The following SUCLG2 variants were observed in gnomAD, a reference collection of about 807,000 sequenced individuals.
The protein encoded by SUCLG2 is succinate--CoA ligase [GDP-forming] subunit beta, mitochondrial.
In SUCLG2, 42 loss-of-function variants were observed where a neutral mutation model predicts 47.9. The observed-to-expected ratio is 0.88, with a 90% CI of 0.69 to 1.14. SUCLG2 has a LOEUF of 1.14. Ranked by LOEUF, SUCLG2 falls within the 50% of genes most tolerant of loss-of-function variation. The pLI is 0.00. For synonymous variants in SUCLG2, 195 were observed against 197.3 expected, an observed-to-expected ratio of 0.99 and a Z score of 0.10; for missense variants, 571 against 525.9, an observed-to-expected ratio of 1.09 and a Z score of -0.84.
intron 2 of SUCLG2, among the ~76,000 whole-genome samples, chr3:67,593,266 CATATAG>C (rs1708214796): frequency 7.4e-6 from 1 of 135,930 alleles, no homozygotes; most frequent in African/African-American, 3.1e-5. Context: ...TGGTCTAACA[CATATAG>C]CACATTCAAT....
intron 1 of SUCLG2, among the ~76,000 whole-genome samples, chr3:67,630,124 CTATT>C (rs1700901110): frequency 6.6e-6 from 1 of 151,880 alleles, no homozygotes; most frequent in Non-Finnish European, 1.5e-5. Flanking sequence ...ACTGTACACT[CTATT>C]TACGATAAAG....
intron 7 of SUCLG2, among the ~76,000 whole-genome samples, chr3:67,499,007 T>C (rs377044343): frequency 9.9e-5 from 15 of 152,156 alleles, no homozygotes; most frequent in East Asian, 3.9e-4. Flanking sequence ...ACTGCAGGAA[T>C]TGTGCAATAT....
intron 2 of SUCLG2, among the ~76,000 whole-genome samples, chr3:67,604,919 A>C (rs1700373228): frequency 6.6e-6 from 1 of 152,258 alleles, no homozygotes; most frequent in South Asian, 2.1e-4. Flanking sequence ...AATATCTTTC[A>C]ATTATTTACA....
intron 1 of SUCLG2, among the ~76,000 whole-genome samples, chr3:67,620,291 A>G (rs1042906645): frequency 6.7e-6 from 1 of 150,206 alleles, no homozygotes; most frequent in Non-Finnish European, 1.5e-5. Flanking sequence ...AAAGAAAGAC[A>G]CACATGATGA....
At chr3:67,403,342 T>C (rs1702732991) in intron 9 of SUCLG2, among the ~76,000 whole-genome samples, 1 of 152,198 alleles carries the variant, frequency 6.6e-6, no homozygotes, top group South Asian at 2.1e-4. Flanking sequence ...AAAACAAAGA[T>C]TATGTATTTT....
intron 2 of SUCLG2, among the ~76,000 whole-genome samples, chr3:67,563,040 T>C (rs1300777814): frequency 6.6e-5 from 10 of 150,466 alleles, no homozygotes; most frequent in African/African-American, 2.2e-4. Context: ...TTATAATGTG[T>C]ACGATTTACA....
Position 67,435,466 on chromosome 3 carries a change from A to C in SUCLG2, c.1063-34615T>G, listed in dbSNP as rs6780361. Among the ~76,000 whole-genome samples the C allele has an allele frequency of 1.2e-3, 181 of 152,010 alleles. 3 individuals carry two copies. In the East Asian group the frequency reaches 0.013, roughly 11 times the overall value. On this transcript the variant is annotated intron_variant, in intron 9 of 10. Transcript: ENST00000307227. ...TTTTTTATTATTAAAGTAAGATGCC[A>C]CCTTTATTTATAGACATCGTTAAGT...
At chr3:67,598,997 A>G (rs1708356666) in intron 2 of SUCLG2, among the ~76,000 whole-genome samples, 1 of 152,218 alleles carries the variant, frequency 6.6e-6, no homozygotes, top group Non-Finnish European at 1.5e-5. Context: ...ATGAGCCACA[A>G]AAACTGGGAG....
intron 1 of SUCLG2, among the ~76,000 whole-genome samples, chr3:67,616,282 A>T (rs1034572157): frequency 1.6e-4 from 24 of 152,222 alleles, no homozygotes; most frequent in African/African-American, 5.3e-4. Flanking sequence ...TGACTAATCT[A>T]GCCTATTAAG....
chr3:67,401,135 T>C (rs924150330), intron 9 of SUCLG2, among the ~76,000 whole-genome samples: 13 of 152,216 alleles, frequency 8.5e-5, no homozygotes, highest in Non-Finnish European at 1.3e-4. Context: ...ATATAATGTC[T>C]TCTTTTTCTG....
At position 67,388,667 on chromosome 3, in the gene SUCLG2, A is replaced by G. The variant is rs148889283; in HGVS notation, c.1183+12064T>C. Among the ~76,000 whole-genome samples the G allele has an allele frequency of 1.1e-3, 173 of 152,358 alleles. 4 individuals are homozygous for G. In the East Asian group the frequency reaches 0.033, roughly 29 times the overall value. Reference sequence around the variant, plus strand: ...TGCAAATCAAGCCAATGCTTTTTAGACTAAGGAAATGCAGACTCCTAATAA... The same window carrying G: ...TGCAAATCAAGCCAATGCTTTTTAGGCTAAGGAAATGCAGACTCCTAATAA... On this transcript the variant is annotated intron_variant, in intron 10 of 10. Transcript: ENST00000307227.
At chr3:67,638,093 G>A (rs576928578) in intron 1 of SUCLG2, among the ~76,000 whole-genome samples, 2 of 152,268 alleles carry the variant, frequency 1.3e-5, no homozygotes, top group African/African-American at 2.4e-5. Context: ...AAAGAAGAGT[G>A]TAAGCTTCTA....
In SUCLG2 at chr3:67,375,353, A is replaced by T. The variant is rs979989768; in HGVS notation, c.*391T>A. 19 of 983,414 alleles carry T rather than the reference A, an allele frequency of 1.9e-5. No homozygotes were observed. Among genetic ancestry groups the T allele is most frequent in the Non-Finnish European group, 1.9e-5 (16 of 827,832 alleles). 60.9% of individuals were successfully genotyped at this position (983,414 alleles called of 1,614,324 possible). ...AAATATAATCTTGTCTGAGTTTTTA[A>T]ATGGTCTGTTTTTCTTTTTCATTAT... On this transcript the variant is annotated 3_prime_UTR_variant, in exon 11 of 11. Transcript: ENST00000307227.
rs868245255 is a variant in SUCLG2, at chr3:67,584,401, T to C, written c.226+25054A>G. On this transcript the variant is annotated intron_variant, in intron 2 of 10. Coordinates refer to ENST00000307227, the MANE Select transcript of SUCLG2 (RefSeq NM_003848.4). ...CTGGCAGGAGTAATGGGATTAACAG[T>C]AAAGGGCATAAGGAATCTTATTGGA... 2.0e-4 allele frequency among the ~76,000 whole-genome samples: 30 copies of C among 152,052 alleles called. 1 individual carries two copies. Among genetic ancestry groups the C allele is most frequent in the African/African-American group, 7.0e-4 (29 of 41,370 alleles).
At chr3:67,650,169 T>C (rs950919718) in intron 1 of SUCLG2, among the ~76,000 whole-genome samples, 4 of 152,226 alleles carry the variant, frequency 2.6e-5, no homozygotes, top group Non-Finnish European at 4.4e-5. Flanking sequence ...AAATATTTAT[T>C]CTCCTAGGCA....
chr3:67,642,539 G>C (rs949244674), intron 1 of SUCLG2, among the ~76,000 whole-genome samples: 4 of 152,106 alleles, frequency 2.6e-5, no homozygotes, highest in African/African-American at 9.7e-5. Flanking sequence ...GTGCCCAGAA[G>C]TTCAAGGATG....
At chr3:67,444,102 G>A in intron 9 of SUCLG2, among the ~76,000 whole-genome samples, 1 of 102,766 alleles carries the variant, frequency 9.7e-6, no homozygotes, top group South Asian at 4.6e-4. Flanking sequence ...CCGTCCGGGA[G>A]GGAGGTGGGG....
intron 2 of SUCLG2, among the ~76,000 whole-genome samples, chr3:67,538,927 G>A (rs1364600595): frequency 6.6e-6 from 1 of 152,212 alleles, no homozygotes; most frequent in Non-Finnish European, 1.5e-5. Flanking sequence ...AGACTTCGCT[G>A]AAGTTCCTTA....
In SUCLG2 at chr3:67,436,602, G is replaced by A. The variant is rs192201282; in HGVS notation, c.1063-35751C>T. ...AAGTCTGTTGCCTGGATTACTATAG[G>A]ACTTTTACTAAGTTGTCACTATATC... On this transcript the variant is annotated intron_variant, in intron 9 of 10. Coordinates refer to ENST00000307227, the MANE Select transcript of SUCLG2 (RefSeq NM_003848.4). Among the ~76,000 whole-genome samples the A allele has an allele frequency of 2.0e-5, 3 of 152,170 alleles. No individual in the cohort carries two copies. The East Asian group carries it at 5.8e-4, about 29-fold the overall frequency.
Sources: allele counts gnomAD v4.1 joint callset (sites outside exome capture counted in the v4.1 genomes callset), GRCh38; gene constraint gnomAD v4.1.1; transcripts MANE v1.5; gene names NCBI Gene and HGNC (gene_info 2026-07-23, HGNC 2026-07-21).